The following VIPR1 variants were observed in gnomAD, a reference collection of about 807,000 sequenced individuals.
VIPR1 encodes the protein vasoactive intestinal polypeptide receptor 1.
Under a neutral mutation model 58.8 loss-of-function variants are expected in VIPR1, and 59 were observed. The ratio of observed to expected loss-of-function variants is 1.00; its 90% CI spans 0.81 to 1.25. The LOEUF (loss-of-function observed/expected upper bound fraction) is 1.25. VIPR1 is among the 50% of genes most tolerant of loss of function. The pLI is 0.00. For synonymous variants in VIPR1, 251 were observed against 242.1 expected (o/e 1.04, Z -0.34); for missense variants, 626 against 602.7 (o/e 1.04, Z -0.40).
intron 1 of VIPR1, chr3:42,513,539 C>A: frequency 1.9e-6 from 1 of 530,876 alleles, no homozygotes; most frequent in Non-Finnish European, 3.4e-6. Context: ...CATCAAGAAG[C>A]TGTGGCAGGG....
chr3:42,519,785 G>C (rs1381807109), intron 3 of VIPR1, among the ~76,000 whole-genome samples: 1 of 152,178 alleles, frequency 6.6e-6, no homozygotes, highest in Admixed American at 6.5e-5. Flanking sequence ...TTAGGAGGTG[G>C]CTTTCTAGCT....
At chr3:42,505,246 G>C (rs575630433) in intron 1 of VIPR1, among the ~76,000 whole-genome samples, 1 of 152,356 alleles carries the variant, frequency 6.6e-6, no homozygotes, top group East Asian at 1.9e-4. Context: ...AAGCAGGACT[G>C]TGCCCTAAAG....
In VIPR1 at chr3:42,528,044, T is replaced by A; in HGVS notation, c.557T>A (p.Ile186Asn). Reference sequence around the variant, plus strand: ...CACATGCACCTCTTCATATCCTTCATCCTGAGGGCTGCCGCTGTCTTCATC... The same window carrying A: ...CACATGCACCTCTTCATATCCTTCAACCTGAGGGCTGCCGCTGTCTTCATC... ...YIHMHLFISF[I>N]LRAAAVFIKD... The change falls in exon 6 of 13, where the codon ATC (isoleucine) becomes AAC (asparagine). Residue 186 changes from isoleucine to asparagine, a missense_variant. By Grantham distance (149) the Ile-to-Asn change is moderately radical. Transcript: ENST00000325123. 2 of 1,614,028 alleles carry A rather than the reference T, an allele frequency of 1.2e-6. No homozygotes were observed. The highest frequency in any genetic ancestry group is 1.7e-6 in the Non-Finnish European group (2 of 1,179,934).
At chr3:42,520,789 AG>A (rs1553638147) in intron 3 of VIPR1, among the ~76,000 whole-genome samples, 1 of 152,118 alleles carries the variant, frequency 6.6e-6, no homozygotes, top group Non-Finnish European at 1.5e-5. Context: ...GGTAGACCCC[AG>A]GGTCTCTTTG....
chr3:42,493,148 T>A (rs1438814578), intron 1 of VIPR1, among the ~76,000 whole-genome samples: 1 of 152,130 alleles, frequency 6.6e-6, no homozygotes, highest in Non-Finnish European at 1.5e-5. Flanking sequence ...TGAGATTCCA[T>A]CCAAATAAAG....
At chr3:42,519,506 A>G in intron 3 of VIPR1, 176 bp downstream of exon 3, 1 of 493,320 alleles carries the variant, frequency 2.0e-6, no homozygotes, top group Non-Finnish European at 3.5e-6. Context: ...GGATTTGATT[A>G]GCTCTTCACA....
chr3:42,505,551 G>T (rs975919568), intron 1 of VIPR1, among the ~76,000 whole-genome samples: 5 of 152,218 alleles, frequency 3.3e-5, no homozygotes, highest in Middle Eastern at 6.3e-3. Context: ...CTGCATCTGG[G>T]TCAGGCCTCC....
rs767374571 is a variant in VIPR1, at chr3:42,530,798, T to G, written c.656T>G (p.Met219Arg). ...CTGCAGGTGGGCTGTAAGGCAGCCATGGTCTTTTTCCAATATTGTGTCATG... is the reference window on the plus strand; with the variant it reads ...CTGCAGGTGGGCTGTAAGGCAGCCAGGGTCTTTTTCCAATATTGTGTCATG... ...SEGSVGCKAAMVFFQYCVMAN... is the reference protein window; with the variant it reads ...SEGSVGCKAARVFFQYCVMAN... The change falls in exon 7 of 13, where the codon ATG becomes AGG. Residue 219 changes from methionine (M) to arginine (R), a missense_variant. Transcript: ENST00000325123. 1.9e-6 allele frequency: 3 copies of G among 1,614,068 alleles called. No individual in the cohort carries two copies. Among genetic ancestry groups the G allele is most frequent in the Non-Finnish European group, 2.5e-6 (3 of 1,179,960 alleles).
rs193064661 is a variant in VIPR1 at position 42,536,904 on chromosome 3, G to A, written c.*623G>A. 6.6e-6 allele frequency: 1 copy of A among 152,350 alleles called. No individual in the cohort carries two copies. Among genetic ancestry groups the A allele is most frequent in the Non-Finnish European group, 1.5e-5 (1 of 68,046 alleles). The allele number at this position is 152,350 out of a possible 1,614,324, so 9.4% of individuals were successfully genotyped here. A position where few individuals can be genotyped will look rare whatever the true frequency, so the allele number is the denominator to read the frequency against. ...ACACCTATCTTAGTGGTTCCCCACC[G>A]AAGTGGACTGGCCCCTGGGTCAGTC... On this transcript the variant is annotated 3_prime_UTR_variant, in exon 13 of 13. Transcript: ENST00000325123.
intron 1 of VIPR1, chr3:42,512,984 CCT>C: frequency 2.0e-6 from 2 of 975,938 alleles, no homozygotes; most frequent in Non-Finnish European, 2.4e-6. Flanking sequence ...CTGGCCCACC[CCT>C]GATCCCTGGC....
intron 3 of VIPR1, among the ~76,000 whole-genome samples, chr3:42,522,106 T>A (rs1412531187): frequency 0.035 from 1,469 of 41,462 alleles, 7 homozygotes; most frequent in African/African-American, 0.07. Flanking sequence ...TATATATTTT[T>A]TTTTTTTTTT....
At chr3:42,519,853 GAAGC>G (rs890576855) in intron 3 of VIPR1, among the ~76,000 whole-genome samples, 11 of 152,234 alleles carry the variant, frequency 7.2e-5, no homozygotes, top group African/African-American at 2.7e-4. Context: ...TGCAGTGAAT[GAAGC>G]ACTTACCAGT....
chr3:42,526,716 C>T (rs1250278402), intron 4 of VIPR1, among the ~76,000 whole-genome samples: 1 of 152,164 alleles, frequency 6.6e-6, no homozygotes, highest in Non-Finnish European at 1.5e-5. Flanking sequence ...CTTGCCTCTC[C>T]TCAGGCAAGC....
At chr3:42,509,602 G>A (rs987519920) in intron 1 of VIPR1, 102 of 152,362 alleles carry the variant, frequency 6.7e-4, no homozygotes, top group African/African-American at 2.5e-3. Flanking sequence ...CCCTGCCGTT[G>A]AGCTGAGGCT....
upstream of VIPR1, among the ~76,000 whole-genome samples, chr3:42,501,422 T>A (rs565899453): frequency 4.6e-5 from 7 of 152,098 alleles, no homozygotes; most frequent in Admixed American, 2.0e-4. The surrounding 1 kb of genome is among the most constrained non-coding windows in gnomAD (Gnocchi z 4.8). Flanking sequence ...CCTCTCCGCC[T>A]CTCCACTGAA....
chr3:42,529,800 C>T (rs1217346840), intron 6 of VIPR1: 1 of 152,232 alleles, frequency 6.6e-6, no homozygotes, highest in African/African-American at 2.4e-5. Flanking sequence ...AGAATACCTT[C>T]CAGTCATGCC....
At chr3:42,520,427 T>C (rs1450729089) in intron 3 of VIPR1, among the ~76,000 whole-genome samples, 1 of 152,036 alleles carries the variant, frequency 6.6e-6, no homozygotes, top group Non-Finnish European at 1.5e-5. Flanking sequence ...TCTAGGAGTG[T>C]AAACAGGAAA....
At chr3:42,504,014 G>A (rs929583703) in intron 1 of VIPR1, among the ~76,000 whole-genome samples, 7 of 152,192 alleles carry the variant, frequency 4.6e-5, no homozygotes, top group East Asian at 3.9e-4. Flanking sequence ...TCCTAGGAGC[G>A]GACCTCTGAC....
intron 6 of VIPR1, chr3:42,530,119 A>C (rs1701456711): frequency 6.5e-6 from 1 of 153,454 alleles, no homozygotes; most frequent in Non-Finnish European, 1.5e-5. Context: ...AGCTACCTTC[A>C]ATACAAATTG....
Sources: gnomAD v4.1 joint callset for allele counts (sites outside exome capture counted in the v4.1 genomes callset) on GRCh38, gnomAD v4.1.1 for gene constraint, Gnocchi (gnomAD v3.1) non-coding constraint, MANE v1.5 for transcripts, NCBI Gene and HGNC (gene_info 2026-07-23, HGNC 2026-07-21) for gene names.